CARS2: variants seen among roughly 807,000 people sequenced by gnomAD.
CARS2 encodes the protein probable cysteine--tRNA ligase, mitochondrial.
A neutral mutation model predicts 68.8 loss-of-function variants in CARS2; 52 were observed. That is an observed-to-expected ratio of 0.76 (90% CI 0.61 to 0.95). CARS2 has a LOEUF of 0.95. CARS2 is among the 40% of genes least tolerant of loss of function. The probability of loss-of-function intolerance (pLI) is 0.00; values close to 1 mark genes in which losing one functional copy is unlikely to be tolerated. For synonymous variants in CARS2, 314 were observed against 303.6 expected (o/e 1.03, Z -0.36); for missense variants, 780 against 754.2 (o/e 1.03, Z -0.40).
At chr13:110,707,961 A>G (rs903988002), upstream of CARS2, among the ~76,000 whole-genome samples, 4 of 152,250 alleles carry the variant, frequency 2.6e-5, no homozygotes, top group Admixed American at 1.3e-4. Flanking sequence ...TATAGCCTAC[A>G]TCAATGCTAA....
intron 13 of CARS2, chr13:110,642,726 G>A (rs888771193): frequency 7.9e-6 from 6 of 757,178 alleles, no homozygotes; most frequent in African/African-American, 3.4e-5. Flanking sequence ...TCAACTCTGA[G>A]CATCTGTCGT....
At position 110,665,171 on chromosome 13, in the gene CARS2, G is replaced by A. The variant is rs543275632; in HGVS notation, c.920-1653C>T. 2.4e-4 allele frequency: 238 copies of A among 985,152 alleles called. 1 individual carries two copies. In the African/African-American group the frequency reaches 3.6e-3, roughly 15 times the overall value. 61.0% of individuals were successfully genotyped at this position (985,152 alleles called of 1,614,324 possible). On this transcript the variant is annotated intron_variant, in intron 8 of 14. Transcript: ENST00000257347. This position sits in a 1 kb window ranked among gnomAD's most constrained non-coding sequence, Gnocchi z 4.3. ...AATAGCCACAAAACTTTCCCACCACGTGCAGTGGCTCACGCCTATAATCCC... is the reference window on the plus strand; with the variant it reads ...AATAGCCACAAAACTTTCCCACCACATGCAGTGGCTCACGCCTATAATCCC...
chr13:110,664,875 A>T, intron 8 of CARS2: 5 of 510,462 alleles, frequency 9.8e-6, no homozygotes, highest in Non-Finnish European at 1.3e-5. Flanking sequence ...CTCCCGAGAC[A>T]CCGAGTCTGC....
rs1055166240 is a variant in CARS2 at position 110,668,290 on chromosome 13, A to T, written c.786-817T>A. 1.3e-5 allele frequency among the ~76,000 whole-genome samples: 2 copies of T among 151,964 alleles called. No homozygotes were observed. The highest frequency in any genetic ancestry group is 6.6e-5 in the Admixed American group (1 of 15,248). On this transcript the variant is annotated intron_variant, in intron 7 of 14. Coordinates refer to ENST00000257347, the MANE Select transcript of CARS2 (RefSeq NM_024537.4). The surrounding 1 kb of genome is among the most constrained non-coding windows in gnomAD (Gnocchi z 4.1). ...CGGGCGCGGTGGCTCACGCCTGTAAACACAGCACTTTGGGAGGCTGAGGCA... is the reference window on the plus strand; with the variant it reads ...CGGGCGCGGTGGCTCACGCCTGTAATCACAGCACTTTGGGAGGCTGAGGCA...
intron 5 of CARS2, among the ~76,000 whole-genome samples, chr13:110,685,348 T>C (rs1231430060): frequency 6.6e-6 from 1 of 151,806 alleles, no homozygotes; most frequent in Non-Finnish European, 1.5e-5. Context: ...AAAATCTAAA[T>C]ATACCACATT....
At chr13:110,679,474 G>C (rs1438196318) in intron 6 of CARS2, among the ~76,000 whole-genome samples, 1 of 151,264 alleles carries the variant, frequency 6.6e-6, no homozygotes, top group African/African-American at 2.4e-5. Flanking sequence ...AGGTTACAGT[G>C]AGCCGAGATC....
intron 10 of CARS2, chr13:110,649,042 C>G (rs1016235253): frequency 1.3e-5 from 2 of 152,388 alleles, no homozygotes; most frequent in African/African-American, 2.4e-5. Flanking sequence ...CGCCTCTGCC[C>G]GTTTCCAGCA....
chr13:110,711,891 TA>T (rs1566374177), intron 1 of CARS2, among the ~76,000 whole-genome samples: 1 of 152,258 alleles, frequency 6.6e-6, no homozygotes. Flanking sequence ...ATCTACTCTA[TA>T]AATACTGGAC....
chr13:110,672,576 G>A (rs1210067970), intron 7 of CARS2, among the ~76,000 whole-genome samples: 3 of 152,116 alleles, frequency 2.0e-5, no homozygotes, highest in Admixed American at 6.5e-5. Flanking sequence ...GTGTGTAGAG[G>A]GAAATTTATA....
chr13:110,704,446 G>A (rs1345895579), intron 2 of CARS2, among the ~76,000 whole-genome samples: 1 of 152,228 alleles, frequency 6.6e-6, no homozygotes, highest in African/African-American at 2.4e-5. Context: ...AGAGTATGCC[G>A]GGCATGGTGG....
At chr13:110,659,476 C>T (rs182648602) in intron 9 of CARS2, among the ~76,000 whole-genome samples, 13 of 148,460 alleles carry the variant, frequency 8.8e-5, no homozygotes, top group Non-Finnish European at 1.3e-4. Context: ...ACTTGCCTGC[C>T]CCTCCTCAAG....
intron 9 of CARS2, among the ~76,000 whole-genome samples, chr13:110,662,119 C>T (rs945811234): frequency 2.6e-5 from 4 of 152,254 alleles, no homozygotes; most frequent in African/African-American, 7.2e-5. Flanking sequence ...CTGCGAAGTG[C>T]GGTCAAGTGA....
chr13:110,660,950 T>C (rs2478466), intron 9 of CARS2, among the ~76,000 whole-genome samples: 42,941 of 151,762 alleles, frequency 0.28, 6,778 homozygotes, highest in African/African-American at 0.39. Context: ...TTAGTAGAGA[T>C]AGGGTTTCAC....
intron 8 of CARS2, chr13:110,664,838 C>T (rs2062604399): frequency 1.1e-5 from 4 of 360,172 alleles, no homozygotes; most frequent in Non-Finnish European, 1.2e-5. Context: ...CGAGAGCTGA[C>T]GGCCGTCTAC....
At chr13:110,712,488 G>A (rs1323273997) in intron 1 of CARS2, 4 of 264,220 alleles carry the variant, frequency 1.5e-5, no homozygotes, top group Non-Finnish European at 3.0e-5. Flanking sequence ...AGTGCACAAA[G>A]GCACGAGGCC....
At chr13:110,696,744 T>C (rs116822543) in intron 3 of CARS2, among the ~76,000 whole-genome samples, 95 of 152,342 alleles carry the variant, frequency 6.2e-4, no homozygotes, top group African/African-American at 2.1e-3. Flanking sequence ...ATTCTAATCA[T>C]AACATTTTTA....
chr13:110,673,347 C>G (rs1238424740), intron 7 of CARS2, among the ~76,000 whole-genome samples: 1 of 152,212 alleles, frequency 6.6e-6, no homozygotes, highest in Admixed American at 6.5e-5. Context: ...AGCAGCACAT[C>G]AAAAAGCTTA....
At chr13:110,669,431 T>C (rs1435522028) in intron 7 of CARS2, among the ~76,000 whole-genome samples, 1 of 152,224 alleles carries the variant, frequency 6.6e-6, no homozygotes, top group Non-Finnish European at 1.5e-5. Context: ...GATTTATCCA[T>C]CTGAAAATCT....
At chr13:110,663,865 T>C in intron 8 of CARS2, 5 of 1,057,978 alleles carry the variant, frequency 4.7e-6, no homozygotes, top group South Asian at 4.4e-5. Context: ...TGAATTCAGA[T>C]ACTGGTCAGC....
Sources: gnomAD v4.1 joint callset for allele counts (sites outside exome capture counted in the v4.1 genomes callset) on GRCh38, gnomAD v4.1.1 for gene constraint, Gnocchi (gnomAD v3.1) non-coding constraint, MANE v1.5 for transcripts, NCBI Gene and HGNC (gene_info 2026-07-23, HGNC 2026-07-21) for gene names.